RELN: variants seen among roughly 807,000 people sequenced by gnomAD.
RELN encodes reelin.
In RELN, 108 loss-of-function variants were observed where a neutral mutation model predicts 427.6. The observed-to-expected ratio is 0.25, with a 90% CI of 0.22 to 0.30. RELN has a LOEUF of 0.30. Ranked by LOEUF, RELN falls within the 10% of genes least tolerant of loss-of-function variation. RELN has a pLI of 1.00. For missense variants in RELN, 3,715 were observed against 4,302.8 expected, an observed-to-expected ratio of 0.86 and a Z score of 3.82; for synonymous variants, 1,524 against 1,513.4, an observed-to-expected ratio of 1.01 and a Z score of -0.16.
intron 17 of RELN, among the ~76,000 whole-genome samples, chr7:103,637,626 C>T (rs1271666597): frequency 6.6e-6 from 1 of 152,186 alleles, no homozygotes; most frequent in Non-Finnish European, 1.5e-5. Flanking sequence ...TGAAGGTTGT[C>T]TTGGTATCTT....
chr7:103,948,208 T>C (rs1025051717), intron 1 of RELN, among the ~76,000 whole-genome samples: 2 of 152,230 alleles, frequency 1.3e-5, no homozygotes, highest in African/African-American at 4.8e-5. Context: ...AATACCTACT[T>C]GTATTTTGTT....
chr7:103,827,803 G>A (rs946562993), intron 3 of RELN, among the ~76,000 whole-genome samples: 1 of 151,744 alleles, frequency 6.6e-6, no homozygotes, highest in East Asian at 1.9e-4. Flanking sequence ...CAGAAAACTA[G>A]ACTGTCAGAA....
At chr7:103,711,036 C>A (rs1789783542) in intron 8 of RELN, among the ~76,000 whole-genome samples, 1 of 151,908 alleles carries the variant, frequency 6.6e-6, no homozygotes, top group Non-Finnish European at 1.5e-5. Context: ...GAGCGAGACT[C>A]CGTCTCAAAA....
intron 3 of RELN, among the ~76,000 whole-genome samples, chr7:103,815,641 G>C (rs1478578469): frequency 6.6e-6 from 1 of 152,184 alleles, no homozygotes; most frequent in Non-Finnish European, 1.5e-5. Context: ...TAATTCCTGA[G>C]ATCTGGCAGA....
At position 103,573,014 on chromosome 7, in the gene RELN, C is replaced by T. The variant is rs1830919040; in HGVS notation, c.4512-754G>A. 6.6e-6 allele frequency among the ~76,000 whole-genome samples: 1 copy of T among 152,184 alleles called. No homozygotes were observed. The highest frequency in any genetic ancestry group is 2.1e-4 in the South Asian group (1 of 4,832). On this transcript the variant is annotated intron_variant, in intron 30 of 64. Coordinates refer to ENST00000428762, the MANE Select transcript of RELN (RefSeq NM_005045.4). The surrounding 1 kb of genome is among the most constrained non-coding windows in gnomAD (Gnocchi z 4.4). The stretch of plus-strand genomic sequence containing the variant: ...AGTGCAGTGGCGCGATCTTGACTCA[C>T]TTCAACCTCTGCCTCTTGGGCCCAA...
chr7:103,843,152 A>T (rs758686004), intron 2 of RELN, among the ~76,000 whole-genome samples: 1 of 152,144 alleles, frequency 6.6e-6, no homozygotes. Flanking sequence ...AGTGTTGTAC[A>T]TGTTGGCTAT....
At chr7:103,963,062 A>G (rs1270081977) in intron 1 of RELN, among the ~76,000 whole-genome samples, 1 of 152,118 alleles carries the variant, frequency 6.6e-6, no homozygotes, top group Non-Finnish European at 1.5e-5. Flanking sequence ...GATGGGAACA[A>G]TAAGACAATC....
Position 103,503,179 on chromosome 7 carries a change from C to T in RELN, c.8326G>A (p.Val2776Met). 6.2e-7 allele frequency: 1 copy of T among 1,614,174 alleles called. No homozygotes were observed. Among genetic ancestry groups the T allele is most frequent in the East Asian group, 2.2e-5 (1 of 44,882 alleles). ...ACACCGAAGTCAGTAGAATACTGCA[C>T]ATGAATTTGATTCTGGGCAATTTTT... Reference protein sequence around the residue: ...SEKIAQNQIHVQYSTDFGVSW... With the variant: ...SEKIAQNQIHMQYSTDFGVSW... The change falls in exon 52 of 65, where the codon GTG becomes ATG. Residue 2776 changes from valine (V) to methionine (M), a missense_variant. Coordinates refer to ENST00000428762, the MANE Select transcript of RELN (RefSeq NM_005045.4).
chr7:103,623,993 A>G (rs992244040), intron 20 of RELN, among the ~76,000 whole-genome samples: 9 of 152,126 alleles, frequency 5.9e-5, no homozygotes, highest in African/African-American at 2.2e-4. Context: ...TCACATTATT[A>G]TATAATAATA....
At chr7:103,742,851 C>T (rs578167732) in intron 6 of RELN, among the ~76,000 whole-genome samples, 3 of 152,216 alleles carry the variant, frequency 2.0e-5, no homozygotes, top group African/African-American at 7.2e-5. Context: ...GGATATTATC[C>T]AGGAGAACTT....
chr7:103,624,478 G>A (rs1185182389), intron 20 of RELN, among the ~76,000 whole-genome samples: 1 of 152,110 alleles, frequency 6.6e-6, no homozygotes, highest in Non-Finnish European at 1.5e-5. Flanking sequence ...CCAGGCTGGA[G>A]TGCGATGGCA....
rs1425124446 is a variant in RELN, at chr7:103,549,523, C to T, written c.6302+1544G>A. On this transcript the variant is annotated intron_variant, in intron 41 of 64. Coordinates refer to ENST00000428762, the MANE Select transcript of RELN (RefSeq NM_005045.4). ...TGCCTAAGCTATCTAGGCCTTTCCC[C>T]TTGCCTGTCCTGCTCATAGGCATGG... Among the ~76,000 whole-genome samples, 6 of 152,334 alleles carry T rather than the reference C, an allele frequency of 3.9e-5. No homozygotes were observed. In the East Asian group the frequency reaches 7.7e-4, roughly 20 times the overall value.
At chr7:103,753,269 C>T (rs1791052845) in intron 4 of RELN, 55 bp from the exon 5 acceptor site, 1 of 1,580,088 alleles carries the variant, frequency 6.3e-7, no homozygotes, top group East Asian at 2.2e-5. Context: ...AAGCAAAATC[C>T]AGTAATAAAG....
intron 6 of RELN, among the ~76,000 whole-genome samples, chr7:103,744,960 C>A (rs184365024): frequency 0.02 from 3,020 of 152,086 alleles, 98 homozygotes; most frequent in African/African-American, 0.07. Flanking sequence ...GAGACACAAC[C>A]AAAAAAGATA....
At chr7:103,500,087 C>CT (rs936999575) in intron 53 of RELN, among the ~76,000 whole-genome samples, 7 of 152,152 alleles carry the variant, frequency 4.6e-5, no homozygotes, top group African/African-American at 9.6e-5. Context: ...AGGAATTTTG[C>CT]TTTTTTTAGC....
At chr7:103,755,816 A>G (rs960589572) in intron 4 of RELN, among the ~76,000 whole-genome samples, 1 of 19,238 alleles carries the variant, frequency 5.2e-5, no homozygotes, top group Non-Finnish European at 1.1e-4. Context: ...CCACCTCAAG[A>G]AAAAAAAAAA....
At chr7:103,752,722 A>T (rs1791035273) in intron 5 of RELN, among the ~76,000 whole-genome samples, 1 of 152,194 alleles carries the variant, frequency 6.6e-6, no homozygotes, top group African/African-American at 2.4e-5. Context: ...GCTTCAGTTC[A>T]ATTTTTAAAG....
In RELN at chr7:103,640,457, A is replaced by T; in HGVS notation, c.2069+86T>A. 7.4e-7 allele frequency: 1 copy of T among 1,359,936 alleles called. No homozygotes were observed. Among genetic ancestry groups the T allele is most frequent in the Non-Finnish European group, 1.1e-6 (1 of 952,264 alleles). The allele number at this position is 1,359,936 out of a possible 1,614,324, so 84.2% of individuals were successfully genotyped here. On this transcript the variant is annotated intron_variant, in intron 17 of 64. Transcript: ENST00000428762. This position sits in a 1 kb window ranked among gnomAD's most constrained non-coding sequence, Gnocchi z 4.1. ...TGTCTTAAAAAGATCCCCGATCCTA[A>T]AAAAGGTTATTAAATGACTTGCGAC...
At position 103,989,595 on chromosome 7, in the gene RELN, CGCGTCGTCTGCCGCCTCCGT is replaced by C. The variant is rs1469729810; in HGVS notation, c.-259_-240del. On this transcript the variant is annotated 5_prime_UTR_variant, in exon 1 of 65. Transcript: ENST00000428762. The surrounding 1 kb of genome is among the most constrained non-coding windows in gnomAD (Gnocchi z 4.9). ...GGACCGGGGCTGCGGGCGCCGAGAG[CGCGTCGTCTGCCGCCTCCGT>C]GCGCCGCCGCCGCCTCTGCGCGACG... is the stretch of plus-strand genomic sequence containing the variant. The C allele has an allele frequency of 1.6e-5, 6 of 384,192 alleles. No individual in the cohort carries two copies. The highest frequency in any genetic ancestry group is 2.1e-5 in the African/African-American group (1 of 46,588). 23.8% of individuals were successfully genotyped at this position (384,192 alleles called of 1,614,324 possible).
Sources: allele counts gnomAD v4.1 joint callset (sites outside exome capture counted in the v4.1 genomes callset), GRCh38; gene constraint gnomAD v4.1.1; non-coding constraint Gnocchi (gnomAD v3.1); transcripts MANE v1.5; gene names NCBI Gene and HGNC (gene_info 2026-07-23, HGNC 2026-07-21).